BMPR2: variants seen among roughly 807,000 people sequenced by gnomAD.
The protein encoded by BMPR2 is bone morphogenetic protein receptor type-2.
In BMPR2, 29 loss-of-function variants were observed where a neutral mutation model predicts 100.8. The ratio of observed to expected loss-of-function variants is 0.29; its 90% CI spans 0.21 to 0.39. The LOEUF is 0.39. Among genes scored for constraint, BMPR2 ranks in the 10% least tolerant of loss-of-function variants. The pLI is 1.00. For synonymous variants in BMPR2, 382 were observed against 442.3 expected, an observed-to-expected ratio of 0.86 and a Z score of 1.71; for missense variants, 1,011 against 1,274.5, an observed-to-expected ratio of 0.79 and a Z score of 3.15.
At chr2:202,445,401 A>C (rs1691830001) in intron 1 of BMPR2, among the ~76,000 whole-genome samples, 1 of 149,224 alleles carries the variant, frequency 6.7e-6, no homozygotes, top group Non-Finnish European at 1.5e-5. Context: ...TAATTTTTTA[A>C]TATTTTGTAG....
intron 1 of BMPR2, among the ~76,000 whole-genome samples, chr2:202,391,481 T>G (rs1402676877): frequency 6.6e-6 from 1 of 151,598 alleles, no homozygotes; most frequent in African/African-American, 2.4e-5. Flanking sequence ...ATTTTTTTAT[T>G]TTTTGTAGAG....
At chr2:202,453,087 A>G (rs967973420) in intron 1 of BMPR2, among the ~76,000 whole-genome samples, 1 of 152,154 alleles carries the variant, frequency 6.6e-6, no homozygotes, top group Admixed American at 6.6e-5. Flanking sequence ...TCCTTGTACA[A>G]CATCTTAAGG....
chr2:202,381,443 A>G (rs1690290875), intron 1 of BMPR2, among the ~76,000 whole-genome samples: 1 of 152,138 alleles, frequency 6.6e-6, no homozygotes, highest in African/African-American at 2.4e-5. Context: ...GTGTCATGGC[A>G]TTGGCAGAAG....
At chr2:202,524,674 C>T (rs992204703) in intron 7 of BMPR2, among the ~76,000 whole-genome samples, 2 of 151,872 alleles carry the variant, frequency 1.3e-5, no homozygotes, top group African/African-American at 2.4e-5. Flanking sequence ...GCCCGGGAGG[C>T]GGAGGTTACA....
At chr2:202,540,141 A>G (rs1175065323) in intron 9 of BMPR2, among the ~76,000 whole-genome samples, 2 of 152,156 alleles carry the variant, frequency 1.3e-5, no homozygotes, top group African/African-American at 4.8e-5. Flanking sequence ...TTGTGCTTCA[A>G]TTTCCTTTAG....
rs370517672 is a variant in BMPR2, at chr2:202,490,740, A to G, written c.419-22979A>G. 2.4e-4 allele frequency among the ~76,000 whole-genome samples: 36 copies of G among 152,322 alleles called. No homozygotes were observed. In the South Asian group the frequency reaches 7.0e-3, roughly 30 times the overall value. On this transcript the variant is annotated intron_variant, in intron 3 of 12. Coordinates refer to ENST00000374580, the MANE Select transcript of BMPR2 (RefSeq NM_001204.7). Reference sequence around the variant, plus strand: ...GGGAGAAAGAAGAGAACATAAAAGAATAGGAAGGGTAAAGAGTAGGATTAG... The same window carrying G: ...GGGAGAAAGAAGAGAACATAAAAGAGTAGGAAGGGTAAAGAGTAGGATTAG...
chr2:202,543,447 A>T (rs1688318286), intron 10 of BMPR2, among the ~76,000 whole-genome samples: 2 of 151,446 alleles, frequency 1.3e-5, no homozygotes, highest in Non-Finnish European at 1.5e-5. Context: ...TTACTTAAAC[A>T]CATTTTTTTA....
rs1464420367 is a variant in BMPR2, at chr2:202,495,222, C to A, written c.419-18497C>A. Among the ~76,000 whole-genome samples the A allele has an allele frequency of 2.0e-5, 3 of 152,152 alleles. No individual in the cohort carries two copies. The highest frequency in any genetic ancestry group is 7.2e-5 in the African/African-American group (3 of 41,422). On this transcript the variant is annotated intron_variant, in intron 3 of 12. Coordinates refer to ENST00000374580, the MANE Select transcript of BMPR2 (RefSeq NM_001204.7). This position sits in a 1 kb window ranked among gnomAD's most constrained non-coding sequence, Gnocchi z 4.5. ...TCCTGCCTTGGTGTACGGGAAGAGT[C>A]GGCTCACACCTGGGCTTGGAGAATG...
intron 1 of BMPR2, among the ~76,000 whole-genome samples, chr2:202,430,608 G>A (rs1055417664): frequency 1.3e-5 from 2 of 152,068 alleles, no homozygotes; most frequent in African/African-American, 4.8e-5. Context: ...TTTTTGCCTA[G>A]CTTGCCAACT....
chr2:202,455,406 AT>A (rs1226294006), intron 1 of BMPR2, among the ~76,000 whole-genome samples: 3 of 152,210 alleles, frequency 2.0e-5, no homozygotes, highest in African/African-American at 7.2e-5. Flanking sequence ...AAATAAAAAA[AT>A]ATGACTACTG....
chr2:202,480,630 C>T (rs1222552757), intron 3 of BMPR2, among the ~76,000 whole-genome samples: 1 of 151,708 alleles, frequency 6.6e-6, no homozygotes, highest in Non-Finnish European at 1.5e-5. Context: ...TTATTTTTCC[C>T]AATTGAAAAG....
Position 202,532,364 on chromosome 2 carries a change from TTTGA to T in BMPR2, c.1129-214_1129-211del, listed in dbSNP as rs1405302393. On this transcript the variant is annotated intron_variant, in intron 8 of 12. Coordinates refer to ENST00000374580, the MANE Select transcript of BMPR2 (RefSeq NM_001204.7). This position sits in a 1 kb window ranked among gnomAD's most constrained non-coding sequence, Gnocchi z 4.1. ...ACATAGGAAAGTCTAGCTCATTCTT[TTTGA>T]TTGATTAATAGTATTCACTAAAATG... 6.6e-6 allele frequency among the ~76,000 whole-genome samples: 1 copy of T among 152,222 alleles called. No individual in the cohort carries two copies. Among genetic ancestry groups the T allele is most frequent in the Non-Finnish European group, 1.5e-5 (1 of 68,040 alleles).
intron 1 of BMPR2, among the ~76,000 whole-genome samples, chr2:202,401,176 T>C (rs1690763459): frequency 6.6e-6 from 1 of 152,158 alleles, no homozygotes; most frequent in Non-Finnish European, 1.5e-5. Flanking sequence ...AACTCAGCAG[T>C]AGTGAGTGAA....
intron 12 of BMPR2, among the ~76,000 whole-genome samples, chr2:202,558,997 G>T (rs758477939): frequency 6.6e-6 from 1 of 150,428 alleles, no homozygotes; most frequent in African/African-American, 2.4e-5. Flanking sequence ...TGTATGCCAG[G>T]TGCCTTTAAA....
chr2:202,538,554 G>A (rs1307573465), intron 9 of BMPR2, among the ~76,000 whole-genome samples: 2 of 152,136 alleles, frequency 1.3e-5, no homozygotes, highest in Non-Finnish European at 2.9e-5. Flanking sequence ...CACTTTGGGA[G>A]GCCAAGGCTA....
chr2:202,392,094 A>C (rs1201835179), intron 1 of BMPR2, among the ~76,000 whole-genome samples: 2 of 136,012 alleles, frequency 1.5e-5, no homozygotes, highest in African/African-American at 2.8e-5. Context: ...TTTTTGAAAG[A>C]AGTCTCGCTC....
chr2:202,514,173 T>G (rs1165474558), intron 4 of BMPR2, among the ~76,000 whole-genome samples: 1 of 152,188 alleles, frequency 6.6e-6, no homozygotes, highest in Non-Finnish European at 1.5e-5. Context: ...AGTCTCGCTG[T>G]CGCCCAGGTT....
intron 12 of BMPR2, 40 bp downstream of exon 12, chr2:202,556,571 T>C (rs1281207716): frequency 1.2e-5 from 19 of 1,596,360 alleles, no homozygotes; most frequent in East Asian, 4.5e-5. Context: ...GTGTGTCTTT[T>C]GGGGCCATTT....
intron 5 of BMPR2, among the ~76,000 whole-genome samples, chr2:202,518,259 T>C (rs1687753857): frequency 6.7e-6 from 1 of 148,946 alleles, no homozygotes; most frequent in South Asian, 2.2e-4. Context: ...TGCCTCAGCC[T>C]CCTGAGTAGC....
Sources: allele counts gnomAD v4.1 joint callset (sites outside exome capture counted in the v4.1 genomes callset), GRCh38; gene constraint gnomAD v4.1.1; non-coding constraint Gnocchi (gnomAD v3.1); transcripts MANE v1.5; gene names NCBI Gene and HGNC (gene_info 2026-07-23, HGNC 2026-07-21).